The following MME variants were observed in gnomAD, a reference collection of about 807,000 sequenced individuals.
The protein encoded by MME is membrane metalloendopeptidase.
Under a neutral mutation model 113.2 loss-of-function variants are expected in MME, and 98 were observed. The ratio of observed to expected loss-of-function variants is 0.87; its 90% confidence interval spans 0.74 to 1.02. MME has a LOEUF of 1.02. MME is among the 50% of genes least tolerant of loss of function. MME has a pLI of 0.00. For missense variants in MME, 836 were observed against 896.0 expected (o/e 0.93, Z 0.86); for synonymous variants, 292 against 300.6 (o/e 0.97, Z 0.30).
chr3:155,158,568 T>C (rs1722477524), intron 16 of MME: 1 of 152,096 alleles, frequency 6.6e-6, no homozygotes, highest in African/African-American at 2.4e-5. Flanking sequence ...TCTGAATATA[T>C]ATAAACATAG....
intron 1 of MME, among the ~76,000 whole-genome samples, chr3:155,052,490 C>T (rs1446272759): frequency 6.6e-6 from 1 of 152,260 alleles, no homozygotes; most frequent in Non-Finnish European, 1.5e-5. Context: ...GCAGGACAAA[C>T]ACCAGGTGGA....
At chr3:155,127,501 A>G (rs979817145) in intron 8 of MME, among the ~76,000 whole-genome samples, 4 of 152,216 alleles carry the variant, frequency 2.6e-5, no homozygotes, top group Non-Finnish European at 5.9e-5. Flanking sequence ...CCACAACTAA[A>G]TATAAAGGAG....
chr3:155,116,590 G>GCATATA, intron 5 of MME, 31 bp downstream of exon 5: 1 of 1,239,226 alleles, frequency 8.1e-7, no homozygotes, highest in Non-Finnish European at 1.1e-6. Flanking sequence ...TTCATTAGGA[G>GCATATA]TATATATATA....
chr3:155,039,884 A>G (rs1002228552), intron 1 of MME, among the ~76,000 whole-genome samples: 5 of 152,228 alleles, frequency 3.3e-5, no homozygotes, highest in Admixed American at 3.3e-4. Context: ...GTGTGTACAC[A>G]TTTTGAAATG....
chr3:155,129,267 C>A (rs1005874204), intron 8 of MME, among the ~76,000 whole-genome samples: 1 of 152,144 alleles, frequency 6.6e-6, no homozygotes, highest in Admixed American at 6.5e-5. Flanking sequence ...GTCACATTCC[C>A]TCTTCAGTCA....
At chr3:155,047,686 T>C (rs1713607412) in intron 1 of MME, among the ~76,000 whole-genome samples, 1 of 152,242 alleles carries the variant, frequency 6.6e-6, no homozygotes, top group African/African-American at 2.4e-5. Flanking sequence ...TGACAGGAGT[T>C]CATTGTCTTT....
intron 1 of MME, among the ~76,000 whole-genome samples, chr3:155,033,614 T>C (rs1486435394): frequency 6.6e-6 from 1 of 152,160 alleles, no homozygotes; most frequent in Non-Finnish European, 1.5e-5. Context: ...GAGACTTCAA[T>C]GTTAAAAGGC....
chr3:155,144,906 G>A (rs1362746164), intron 14 of MME, among the ~76,000 whole-genome samples: 1 of 152,100 alleles, frequency 6.6e-6, no homozygotes, highest in East Asian at 1.9e-4. Context: ...ATAATAACTA[G>A]GGGGAACATG....
chr3:155,143,222 T>C (rs1340304316), intron 12 of MME, among the ~76,000 whole-genome samples: 1 of 152,176 alleles, frequency 6.6e-6, no homozygotes, highest in Non-Finnish European at 1.5e-5. Flanking sequence ...AGCAAAAAGT[T>C]CTACTGGGGC....
intron 1 of MME, among the ~76,000 whole-genome samples, chr3:155,056,291 T>C (rs1713924699): frequency 6.6e-6 from 1 of 151,416 alleles, no homozygotes; most frequent in African/African-American, 2.4e-5. Flanking sequence ...ACTCGTCATT[T>C]AGCATTAGGT....
intron 1 of MME, among the ~76,000 whole-genome samples, chr3:155,028,827 AG>A (rs1712871475): frequency 6.6e-6 from 1 of 152,172 alleles, no homozygotes; most frequent in Non-Finnish European, 1.5e-5. Flanking sequence ...TTGGACTTCT[AG>A]GGGTTTCTTT....
At chr3:155,134,980 G>A (rs1314093690) in intron 8 of MME, among the ~76,000 whole-genome samples, 1 of 151,950 alleles carries the variant, frequency 6.6e-6, no homozygotes, top group Non-Finnish European at 1.5e-5. Context: ...TTTTAATGGG[G>A]CTATTTGTTT....
At chr3:155,091,371 G>C (rs1716286358) in intron 3 of MME, among the ~76,000 whole-genome samples, 1 of 152,140 alleles carries the variant, frequency 6.6e-6, no homozygotes, top group Non-Finnish European at 1.5e-5. Context: ...TAAGCAAGTA[G>C]TACACCATCA....
At chr3:155,038,042 T>C (rs1713183880) in intron 1 of MME, among the ~76,000 whole-genome samples, 1 of 152,104 alleles carries the variant, frequency 6.6e-6, no homozygotes, top group Non-Finnish European at 1.5e-5. Flanking sequence ...GATGTAAACG[T>C]TGGAGACAGA....
intron 1 of MME, among the ~76,000 whole-genome samples, chr3:155,057,268 C>T (rs1457560310): frequency 1.3e-5 from 2 of 152,050 alleles, no homozygotes; most frequent in African/African-American, 4.8e-5. Flanking sequence ...CAAACAGCCC[C>T]ATCAAAAAGT....
chr3:155,160,616 A>G (rs1332701402), intron 17 of MME, among the ~76,000 whole-genome samples, 168 bp downstream of exon 17: 1 of 152,092 alleles, frequency 6.6e-6, no homozygotes, highest in Non-Finnish European at 1.5e-5. Flanking sequence ...TTCTTTCACT[A>G]TAGTGGGAAA....
rs764583986 is a variant in MME at position 155,168,482 on chromosome 3, T to C, written c.1781-10T>C. The C allele has an allele frequency of 8.7e-6, 14 of 1,606,586 alleles. No individual in the cohort carries two copies. In the East Asian group the frequency reaches 2.0e-4, roughly 23 times the overall value. ...TGAGTTCCCATTTTACTTAAATAAATATATTATAGGCAGAAACTTTAACAA... is the reference window on the plus strand; with the variant it reads ...TGAGTTCCCATTTTACTTAAATAAACATATTATAGGCAGAAACTTTAACAA... On this transcript the variant is annotated splice_polypyrimidine_tract_variant and intron_variant, in intron 18 of 22. Transcript: ENST00000360490.
intron 1 of MME, among the ~76,000 whole-genome samples, chr3:155,042,945 T>C (rs1713408300): frequency 8.1e-6 from 1 of 123,334 alleles, no homozygotes; most frequent in Non-Finnish European, 1.7e-5. Flanking sequence ...TATATGTATA[T>C]ATATATATAT....
upstream of MME, among the ~76,000 whole-genome samples, chr3:155,077,876 C>A (rs1033352994): frequency 1.3e-4 from 20 of 151,132 alleles, no homozygotes; most frequent in Admixed American, 4.6e-4. Context: ...TTTCTTTTGT[C>A]ATACATTTTA....
Sources: allele counts gnomAD v4.1 joint callset (sites outside exome capture counted in the v4.1 genomes callset), GRCh38; gene constraint gnomAD v4.1.1; transcripts MANE v1.5; gene names NCBI Gene and HGNC (gene_info 2026-07-23, HGNC 2026-07-21).